The following ROBO2 variants were observed in gnomAD, a reference collection of about 807,000 sequenced individuals.
ROBO2 encodes roundabout guidance receptor 2.
Under a neutral mutation model 160.8 loss-of-function variants are expected in ROBO2, and 53 were observed. The observed-to-expected ratio is 0.33, with a 90% confidence interval of 0.26 to 0.41. The LOEUF is 0.41. Among genes scored for constraint, ROBO2 ranks in the 10% least tolerant of loss-of-function variants. ROBO2 has a pLI of 1.00. For missense variants in ROBO2, 1,577 were observed against 1,722.4 expected (o/e 0.92, Z 1.49); for synonymous variants, 664 against 611.7 (o/e 1.09, Z -1.26).
At chr3:76,178,759 A>T (rs2073319731) in intron 2 of ROBO2, among the ~76,000 whole-genome samples, 1 of 152,074 alleles carries the variant, frequency 6.6e-6, no homozygotes, top group South Asian at 2.1e-4. Context: ...CCTGACCAAC[A>T]TGGAAAACCC....
At chr3:76,182,529 T>A (rs892235672) in intron 2 of ROBO2, among the ~76,000 whole-genome samples, 1 of 152,104 alleles carries the variant, frequency 6.6e-6, no homozygotes, top group Non-Finnish European at 1.5e-5. Flanking sequence ...TGCTAAAATA[T>A]TGATTAACCC....
intron 2 of ROBO2, among the ~76,000 whole-genome samples, chr3:76,751,445 T>C (rs532701015): frequency 6.6e-6 from 1 of 151,994 alleles, no homozygotes; most frequent in South Asian, 2.1e-4. Flanking sequence ...AAGTCAAAAT[T>C]GAGAAATGGG....
In ROBO2 at chr3:75,911,465, T is replaced by G. The variant is rs569726246; in HGVS notation, c.-14+4505T>G. ...GTGCCAGGTCCAATTAGGATTAGAT[T>G]GCTATTTTTATTATTGATATTTGCC... On this transcript the variant is annotated intron_variant, in intron 1 of 26. Coordinates refer to the ROBO2 transcript ENST00000487694. 1.1e-4 allele frequency among the ~76,000 whole-genome samples: 16 copies of G among 152,168 alleles called. No homozygotes were observed. In the South Asian group the frequency reaches 3.1e-3, roughly 30 times the overall value.
intron 2 of ROBO2, among the ~76,000 whole-genome samples, chr3:76,706,979 T>C (rs540880660): frequency 3.9e-5 from 6 of 151,986 alleles, no homozygotes; most frequent in Non-Finnish European, 8.8e-5. Flanking sequence ...TCAGACAACT[T>C]GACAGATTTC....
intron 2 of ROBO2, among the ~76,000 whole-genome samples, chr3:76,944,598 A>G (rs1408231308): frequency 1.3e-5 from 2 of 152,318 alleles, no homozygotes; most frequent in Admixed American, 6.5e-5. Flanking sequence ...TCTTCCCTAC[A>G]TTGCTTTCAA....
intron 2 of ROBO2, among the ~76,000 whole-genome samples, chr3:76,638,117 T>G (rs2090438839): frequency 6.6e-6 from 1 of 152,198 alleles, no homozygotes; most frequent in Admixed American, 6.5e-5. Context: ...TCTTAAATTT[T>G]CAACTTTGTT....
intron 2 of ROBO2, among the ~76,000 whole-genome samples, chr3:76,193,060 T>C (rs1165459028): frequency 6.6e-6 from 1 of 150,956 alleles, no homozygotes; most frequent in Non-Finnish European, 1.5e-5. Context: ...GGAAACACTC[T>C]CTTTGAGTGG....
chr3:76,086,239 A>G (rs1361708467), intron 2 of ROBO2, among the ~76,000 whole-genome samples: 1 of 152,150 alleles, frequency 6.6e-6, no homozygotes, highest in Non-Finnish European at 1.5e-5. Flanking sequence ...AAGAAGTGAA[A>G]GCGAAGCGGA....
At chr3:76,428,393 C>T (rs1344364721) in intron 2 of ROBO2, among the ~76,000 whole-genome samples, 2 of 152,102 alleles carry the variant, frequency 1.3e-5, no homozygotes, top group African/African-American at 4.8e-5. Flanking sequence ...TTTTAAGGGA[C>T]ATTTTTAAGA....
intron 2 of ROBO2, among the ~76,000 whole-genome samples, chr3:77,383,575 T>G (rs2073781113): frequency 1.3e-5 from 2 of 152,150 alleles, no homozygotes; most frequent in Admixed American, 1.3e-4. Context: ...TAACTAGTTT[T>G]TGGTTTGTTT....
intron 2 of ROBO2, among the ~76,000 whole-genome samples, chr3:77,395,727 A>C (rs1356662310): frequency 6.6e-6 from 1 of 152,122 alleles, no homozygotes; most frequent in African/African-American, 2.4e-5. Flanking sequence ...ATAACACTTT[A>C]CTAAATTATT....
At chr3:77,068,784 A>G (rs2067119186) in intron 1 of ROBO2, among the ~76,000 whole-genome samples, 1 of 152,214 alleles carries the variant, frequency 6.6e-6, no homozygotes, top group Admixed American at 6.6e-5. Flanking sequence ...GCAGGCTAGT[A>G]TGTTTCTAGG....
At chr3:77,035,263 C>A (rs1337023619), upstream of ROBO2, among the ~76,000 whole-genome samples, 3 of 151,820 alleles carry the variant, frequency 2.0e-5, no homozygotes, top group Non-Finnish European at 2.9e-5. Flanking sequence ...TAAATAAAAT[C>A]TCATCCATGA....
rs915609432 is a variant in ROBO2 at position 77,149,554 on chromosome 3, G to A, written c.388+51214G>A. Among the ~76,000 whole-genome samples, 12 of 152,166 alleles carry A rather than the reference G, an allele frequency of 7.9e-5. No individual in the cohort carries two copies. In the South Asian group the frequency reaches 1.9e-3, roughly 24 times the overall value. The stretch of plus-strand genomic sequence containing the variant: ...TTGTCAAGTGGGATGTACATTCTCA[G>A]AGGTCAATAGTGGCTTATAGGAGAT... On this transcript the variant is annotated intron_variant, in intron 2 of 25. Coordinates refer to ENST00000461745, the Ensembl canonical transcript of ROBO2.
chr3:76,961,489 C>G (rs2149236418), intron 2 of ROBO2, among the ~76,000 whole-genome samples: 1 of 152,196 alleles, frequency 6.6e-6, no homozygotes, highest in African/African-American at 2.4e-5. Flanking sequence ...TCATGTGTTT[C>G]TCCCCACATT....
intron 1 of ROBO2, among the ~76,000 whole-genome samples, chr3:75,936,382 G>T (rs79235533): frequency 6.6e-6 from 1 of 152,056 alleles, no homozygotes; most frequent in East Asian, 1.9e-4. Context: ...AAATTATTAA[G>T]TTTACTTTTC....
At chr3:76,482,732 A>C (rs2107357025) in intron 2 of ROBO2, among the ~76,000 whole-genome samples, 1 of 152,262 alleles carries the variant, frequency 6.6e-6, no homozygotes, top group African/African-American at 2.4e-5. Flanking sequence ...TGAATCACTG[A>C]TCTATTATCC....
chr3:77,248,457 A>G (rs1205957966), intron 2 of ROBO2, among the ~76,000 whole-genome samples: 1 of 152,034 alleles, frequency 6.6e-6, no homozygotes, highest in Admixed American at 6.5e-5. Flanking sequence ...AGCTGCTAAC[A>G]CTGAAGCCAT....
intron 2 of ROBO2, among the ~76,000 whole-genome samples, chr3:76,163,409 AACG>A (rs1453579771): frequency 4.0e-5 from 6 of 151,296 alleles, no homozygotes; most frequent in Non-Finnish European, 8.8e-5. Context: ...ATGTTATTAT[AACG>A]TGGTATTGAA....
Sources: gnomAD v4.1 joint callset for allele counts (sites outside exome capture counted in the v4.1 genomes callset) on GRCh38, gnomAD v4.1.1 for gene constraint, MANE v1.5 for transcripts, NCBI Gene and HGNC (gene_info 2026-07-23, HGNC 2026-07-21) for gene names.